CBLB: variants seen among roughly 807,000 people sequenced by gnomAD.
The protein encoded by CBLB is Cbl proto-oncogene B, also known as E3 ubiquitin-protein ligase CBL-B.
A neutral mutation model predicts 104.9 loss-of-function variants in CBLB; 31 were observed. The ratio of observed to expected loss-of-function variants is 0.30; its 90% CI spans 0.22 to 0.40. The LOEUF is 0.40. Among genes scored for constraint, CBLB ranks in the 10% least tolerant of loss-of-function variants. CBLB has a pLI of 1.00. For synonymous variants in CBLB, 440 were observed against 422.6 expected (o/e 1.04, Z -0.51); for missense variants, 1,062 against 1,214.6 (o/e 0.87, Z 1.87).
chr3:105,850,239 C>T (rs2153113916), intron 3 of CBLB, among the ~76,000 whole-genome samples: 1 of 152,146 alleles, frequency 6.6e-6, no homozygotes, highest in South Asian at 2.1e-4. Context: ...TGCCATTTTA[C>T]ACCTGGAAGA....
intron 16 of CBLB, chr3:105,681,132 T>C: frequency 3.0e-6 from 1 of 333,754 alleles, no homozygotes; most frequent in East Asian, 5.0e-5. Flanking sequence ...AGCAAGTTCA[T>C]ATTTATTAAG....
chr3:105,844,479 A>G (rs1328599318), intron 3 of CBLB, among the ~76,000 whole-genome samples: 1 of 152,204 alleles, frequency 6.6e-6, no homozygotes, highest in Non-Finnish European at 1.5e-5. Context: ...CCACTGAACA[A>G]CAGAGCCTCA....
intron 12 of CBLB, among the ~76,000 whole-genome samples, chr3:105,696,322 C>G (rs1329594090): frequency 6.6e-6 from 1 of 151,690 alleles, no homozygotes; most frequent in Non-Finnish European, 1.5e-5. Flanking sequence ...TTGACGGTGG[C>G]TAGAGGACAA....
chr3:105,848,212 G>T (rs550150752), intron 3 of CBLB, among the ~76,000 whole-genome samples: 3 of 151,972 alleles, frequency 2.0e-5, no homozygotes, highest in Admixed American at 2.0e-4. Context: ...ACAACAATTT[G>T]GGAAAAATGA....
intron 3 of CBLB, among the ~76,000 whole-genome samples, chr3:105,847,904 T>G (rs2090482202): frequency 6.6e-6 from 1 of 152,126 alleles, no homozygotes; most frequent in African/African-American, 2.4e-5. Context: ...AACCTTCACA[T>G]CCATTTTTAC....
intron 4 of CBLB, among the ~76,000 whole-genome samples, chr3:105,754,535 G>GAC (rs1310721452): frequency 3.1e-4 from 36 of 115,058 alleles, no homozygotes; most frequent in African/African-American, 9.4e-4. Context: ...GAGAGAGAGA[G>GAC]AGAGAGAGAG....
intron 3 of CBLB, among the ~76,000 whole-genome samples, chr3:105,783,515 TAC>T (rs1323943736): frequency 2.0e-5 from 3 of 152,204 alleles, no homozygotes; most frequent in Non-Finnish European, 4.4e-5. Context: ...AAGTATTTGA[TAC>T]AGTCATTTAG....
At chr3:105,730,422 A>G (rs1405918168) in intron 9 of CBLB, among the ~76,000 whole-genome samples, 1 of 152,108 alleles carries the variant, frequency 6.6e-6, no homozygotes, top group Non-Finnish European at 1.5e-5. Context: ...ACAACCTACA[A>G]TACTGTCTTT....
chr3:105,867,608 T>TA lies in CBLB; in HGVS notation c.-14-18dup, dbSNP rs771968727. ...ATTTTAGTTCTTTAAAAGGCAGATT[T>TA]AAAAAAAGAAAAGTTAGTTGGTTTT... On this transcript the variant is annotated splice_polypyrimidine_tract_variant and intron_variant, in intron 1 of 18. Transcript: ENST00000394030. 2.5e-6 allele frequency: 4 copies of TA among 1,611,686 alleles called. No homozygotes were observed. Among genetic ancestry groups the TA allele is most frequent in the South Asian group, 1.1e-5 (1 of 91,034 alleles).
intron 3 of CBLB, among the ~76,000 whole-genome samples, chr3:105,829,446 C>A (rs1340550879): frequency 6.6e-6 from 1 of 151,806 alleles, no homozygotes; most frequent in African/African-American, 2.4e-5. Flanking sequence ...AATGCCTGAG[C>A]CCAGGAGTTC....
chr3:105,688,351 C>A (rs985444343), intron 13 of CBLB, among the ~76,000 whole-genome samples: 3 of 152,064 alleles, frequency 2.0e-5, no homozygotes, highest in Middle Eastern at 3.4e-3. Flanking sequence ...ACCCCCCCCA[C>A]AACCTGGACA....
chr3:105,697,019 A>AT (rs1428295321), intron 12 of CBLB, among the ~76,000 whole-genome samples: 1 of 151,434 alleles, frequency 6.6e-6, no homozygotes, highest in East Asian at 1.9e-4. Context: ...GCATCTTGGA[A>AT]TTTTTTTTCT....
chr3:105,759,611 C>A (rs770414194), intron 4 of CBLB, among the ~76,000 whole-genome samples: 5 of 152,204 alleles, frequency 3.3e-5, no homozygotes, highest in Non-Finnish European at 7.4e-5. Flanking sequence ...CATGTCAGCG[C>A]CACCCTGAGT....
intron 3 of CBLB, among the ~76,000 whole-genome samples, chr3:105,781,234 A>G (rs1402351783): frequency 1.3e-5 from 2 of 152,190 alleles, no homozygotes; most frequent in South Asian, 2.1e-4. Context: ...GTATGAATCA[A>G]TTTCTCCAAA....
chr3:105,822,559 A>C (rs979431405), intron 3 of CBLB, among the ~76,000 whole-genome samples: 4 of 152,150 alleles, frequency 2.6e-5, no homozygotes, highest in Admixed American at 2.0e-4. Flanking sequence ...GGGCCAAACT[A>C]AACAAACAAA....
intron 4 of CBLB, among the ~76,000 whole-genome samples, chr3:105,757,447 C>CT (rs2077184777): frequency 6.6e-6 from 1 of 152,158 alleles, no homozygotes; most frequent in African/African-American, 2.4e-5. Flanking sequence ...CTATGTGCGA[C>CT]TTTCTGACGC....
At chr3:105,735,839 G>A (rs778871436) in intron 8 of CBLB, among the ~76,000 whole-genome samples, 6 of 152,104 alleles carry the variant, frequency 3.9e-5, no homozygotes, top group African/African-American at 7.2e-5. Flanking sequence ...CCAGCTACTC[G>A]GGAGGCTGAG....
At position 105,868,861 on chromosome 3, in the gene CBLB, A is replaced by G. The variant is rs1471768979; in HGVS notation, c.-140T>C. The stretch of plus-strand genomic sequence containing the variant: ...CGCTGAGAACAGCTCGCTCCCGAAG[A>G]AGGAGCAACCCAGCGCGCAGGCCTC... On this transcript the variant is annotated 5_prime_UTR_variant, in exon 1 of 19. Coordinates refer to ENST00000394030, the MANE Select transcript of CBLB (RefSeq NM_170662.5). 6 of 1,009,652 alleles carry G rather than the reference A, an allele frequency of 5.9e-6. No homozygotes were observed. Among genetic ancestry groups the G allele is most frequent in the Non-Finnish European group, 7.1e-6 (6 of 846,466 alleles). 62.5% of individuals were successfully genotyped at this position (1,009,652 alleles called of 1,614,324 possible). A position where few individuals can be genotyped will look rare whatever the true frequency, so the allele number is the denominator to read the frequency against.
intron 8 of CBLB, among the ~76,000 whole-genome samples, chr3:105,735,915 C>A (rs2074886589): frequency 6.6e-6 from 1 of 152,140 alleles, no homozygotes; most frequent in Non-Finnish European, 1.5e-5. Flanking sequence ...CACTGCACTC[C>A]AGCCTGGGCG....
Sources: allele counts gnomAD v4.1 joint callset (sites outside exome capture counted in the v4.1 genomes callset), GRCh38; gene constraint gnomAD v4.1.1; transcripts MANE v1.5; gene names NCBI Gene and HGNC (gene_info 2026-07-23, HGNC 2026-07-21).